Variants in ANKRD45 observed in about 807,000 individuals in gnomAD.
ANKRD45 encodes the protein ankyrin repeat domain 45, also known as ankyrin repeat domain-containing protein 45.
In ANKRD45, 21 loss-of-function variants were observed where a neutral mutation model predicts 28.1. The observed-to-expected ratio is 0.75, with a 90% CI of 0.53 to 1.08. The LOEUF (loss-of-function observed/expected upper bound fraction) is 1.08, where lower values mean the gene tolerates loss of function less well. Ranked by LOEUF, ANKRD45 falls within the 50% of genes least tolerant of loss-of-function variation. ANKRD45 has a pLI of 0.00. For synonymous variants in ANKRD45, 86 were observed against 103.9 expected (o/e 0.83, Z 1.05); for missense variants, 261 against 308.7 (o/e 0.85, Z 1.16).
At position 173,659,449 on chromosome 1, in the gene ANKRD45, T is replaced by A; in HGVS notation, c.-15-16A>T. ...CCAAAAATACCTATGACCAAAAAAATAAAAAAGTGATAAAAATCTACTCAA... is the reference window on the plus strand; with the variant it reads ...CCAAAAATACCTATGACCAAAAAAAAAAAAAAGTGATAAAAATCTACTCAA... On this transcript the variant is annotated splice_polypyrimidine_tract_variant and intron_variant, in intron 1 of 5. Coordinates refer to ENST00000333279, the MANE Select transcript of ANKRD45 (RefSeq NM_198493.3). 2 of 1,492,222 alleles carry A rather than the reference T, an allele frequency of 1.3e-6. No individual in the cohort carries two copies. The highest frequency in any genetic ancestry group is 8.9e-7 in the Non-Finnish European group (1 of 1,121,714). The allele number at this position is 1,492,222 out of a possible 1,614,324, so 92.4% of individuals were successfully genotyped here. A position where few individuals can be genotyped will look rare whatever the true frequency, so the allele number is the denominator to read the frequency against.
chr1:173,656,143 A>G (rs1049013857), intron 2 of ANKRD45, among the ~76,000 whole-genome samples: 8 of 152,196 alleles, frequency 5.3e-5, no homozygotes, highest in Admixed American at 3.9e-4. Context: ...GAGATGAACC[A>G]GGTACCTCAG....
chr1:173,657,625 C>CTTTTTTTTTTTTTTTTTTTTTTTTTTTT lies in ANKRD45; in HGVS notation c.328+1465_328+1466insAAAAAAAAAAAAAAAAAAAAAAAAAAAA, dbSNP rs778299894. 3.8e-4 allele frequency: 27 copies of CTTTTTTTTTTTTTTTTTTTTTTTTTTTT among 70,698 alleles called. 4 individuals are homozygous for CTTTTTTTTTTTTTTTTTTTTTTTTTTTT. The highest frequency in any genetic ancestry group is 6.5e-4 in the Non-Finnish European group (24 of 37,040). The allele number at this position is 70,698 out of a possible 1,614,324, so 4.4% of individuals were successfully genotyped here. ...GTTTTCTATTTTCTTTCTTCTTCTT[C>CTTTTTTTTTTTTTTTTTTTTTTTTTTTT]TTTTTTTTTTTTTTTTTTTCAGCAA... On this transcript the variant is annotated intron_variant, in intron 2 of 5. Transcript: ENST00000333279.
At chr1:173,669,637 C>G (rs1670177016) in intron 1 of ANKRD45, among the ~76,000 whole-genome samples, 180 bp downstream of exon 1, 1 of 152,146 alleles carries the variant, frequency 6.6e-6, no homozygotes, top group African/African-American at 2.4e-5. Context: ...TTGCGGCTGC[C>G]GGCGGGGTAG....
chr1:173,691,790 A>C, the ANKRD45 span, among the ~76,000 whole-genome samples: 1 of 152,190 alleles, frequency 6.6e-6, no homozygotes, highest in East Asian at 1.9e-4. Flanking sequence ...CCGTCTCAAA[A>C]AACAAAACAA....
At chr1:173,706,590 C>T in the ANKRD45 span, among the ~76,000 whole-genome samples, 2 of 152,008 alleles carry the variant, frequency 1.3e-5, no homozygotes, top group Non-Finnish European at 1.5e-5. Flanking sequence ...CTGCCCACCT[C>T]GGCCTCCCAA....
At chr1:173,656,961 G>T (rs763601077) in intron 2 of ANKRD45, among the ~76,000 whole-genome samples, 56 of 148,782 alleles carry the variant, frequency 3.8e-4, no homozygotes, top group Non-Finnish European at 6.8e-4. Flanking sequence ...CGAAGGAAGA[G>T]CATTGCTTGA....
chr1:173,682,485 T>G, the ANKRD45 span, among the ~76,000 whole-genome samples: 3 of 152,108 alleles, frequency 2.0e-5, no homozygotes, highest in Non-Finnish European at 4.4e-5. Context: ...GCACCTTCAT[T>G]TTCTTTAAGG....
chr1:173,700,925 T>A, the ANKRD45 span, among the ~76,000 whole-genome samples: 1 of 152,260 alleles, frequency 6.6e-6, no homozygotes, highest in East Asian at 1.9e-4. Flanking sequence ...TCTACCCATC[T>A]GACAAAGGGC....
chr1:173,704,687 C>T, the ANKRD45 span, among the ~76,000 whole-genome samples: 8 of 152,146 alleles, frequency 5.3e-5, no homozygotes, highest in Non-Finnish European at 8.8e-5. Flanking sequence ...TTGATATTCT[C>T]ATTGCTAGCC....
chr1:173,654,858 G>A (rs1481394674), intron 2 of ANKRD45, among the ~76,000 whole-genome samples: 9 of 151,936 alleles, frequency 5.9e-5, no homozygotes, highest in East Asian at 3.9e-4. Context: ...ATCTTCAATC[G>A]CTGATAACCT....
chr1:173,644,691 G>A (rs2102356376), intron 3 of ANKRD45, among the ~76,000 whole-genome samples: 1 of 152,158 alleles, frequency 6.6e-6, no homozygotes, highest in African/African-American at 2.4e-5. Context: ...TTTCAAAAAT[G>A]GATTTTAAAT....
upstream of ANKRD45, among the ~76,000 whole-genome samples, chr1:173,672,975 C>T (rs1448152490): frequency 6.6e-6 from 1 of 152,068 alleles, no homozygotes; most frequent in Non-Finnish European, 1.5e-5. Flanking sequence ...ACTATTCAAA[C>T]CCCCCAGAAA....
chr1:173,614,144 G>C (rs1286504812), intron 5 of ANKRD45, among the ~76,000 whole-genome samples: 1 of 151,896 alleles, frequency 6.6e-6, no homozygotes, highest in Non-Finnish European at 1.5e-5. Context: ...AAGGCTGCAG[G>C]GTCCTCTGCC....
At chr1:173,663,188 TTC>T (rs1484242911) in intron 1 of ANKRD45, among the ~76,000 whole-genome samples, 1 of 152,026 alleles carries the variant, frequency 6.6e-6, no homozygotes, top group African/African-American at 2.4e-5. Flanking sequence ...GATTCTTCTT[TTC>T]TCTCTCTCAG....
chr1:173,673,273 G>A (rs780392151), upstream of ANKRD45, among the ~76,000 whole-genome samples: 1 of 151,950 alleles, frequency 6.6e-6, no homozygotes, highest in Non-Finnish European at 1.5e-5. Flanking sequence ...ACCACGCCTT[G>A]CTAATTTTTG....
chr1:173,630,530 GTC>G (rs1668140042), intron 3 of ANKRD45, among the ~76,000 whole-genome samples: 2 of 152,118 alleles, frequency 1.3e-5, no homozygotes, highest in South Asian at 4.1e-4. Flanking sequence ...CTATTTGAAA[GTC>G]TCATGGTAAT....
chr1:173,646,131 C>T (rs1668910890), intron 3 of ANKRD45, among the ~76,000 whole-genome samples: 1 of 152,204 alleles, frequency 6.6e-6, no homozygotes, highest in Admixed American at 6.5e-5. Context: ...TACAAAGGTA[C>T]ATCTTCCTGA....
the ANKRD45 span, among the ~76,000 whole-genome samples, chr1:173,690,292 G>A: frequency 6.6e-6 from 1 of 152,030 alleles, no homozygotes; most frequent in Non-Finnish European, 1.5e-5. Context: ...TGTGAGTAGA[G>A]GGGGAATTTG....
intron 1 of ANKRD45, 37 bp downstream of exon 1, chr1:173,669,780 C>G (rs1480339444): frequency 4.6e-6 from 1 of 218,990 alleles, no homozygotes; most frequent in East Asian, 1.3e-4. Flanking sequence ...CCCCAAGTGC[C>G]CACCCCGGCC....
Sources: allele counts gnomAD v4.1 joint callset (sites outside exome capture counted in the v4.1 genomes callset), GRCh38; gene constraint gnomAD v4.1.1; transcripts MANE v1.5; gene names NCBI Gene and HGNC (gene_info 2026-07-23, HGNC 2026-07-21).